The following VAV3 variants were observed in gnomAD, a reference collection of about 807,000 sequenced individuals.
The protein encoded by VAV3 is vav guanine nucleotide exchange factor 3, also known as guanine nucleotide exchange factor VAV3.
A neutral mutation model predicts 131.2 loss-of-function variants in VAV3; 94 were observed. The observed-to-expected ratio is 0.72, with a 90% CI of 0.61 to 0.85. VAV3 has a LOEUF of 0.85. Among genes scored for constraint, VAV3 ranks in the 40% least tolerant of loss-of-function variants. The pLI is 0.00. For missense variants in VAV3, 939 were observed against 1,002.7 expected (o/e 0.94, Z 0.86); for synonymous variants, 349 against 342.0 (o/e 1.02, Z -0.22).
rs1557833893 is a variant in VAV3 at position 107,768,469 on chromosome 1, T to G, written c.689A>C (p.Glu230Ala). ...APLKRFLTAAEFDSVFINIPE... is the reference protein window; with the variant it reads ...APLKRFLTAAAFDSVFINIPE... ...AATGTTGATGAATACTGAATCAAAT[T>G]CTGCTGCTGTCAGAAATCTTTTTAG... Residue 230 changes from glutamate (E) to alanine (A), a missense_variant, in exon 7 of 27, where the codon GAA (glutamate) becomes GCA (alanine). Glu to Ala is a moderately radical substitution (Grantham distance 107). Transcript: ENST00000370056. The G allele has an allele frequency of 6.2e-7, 1 of 1,612,642 alleles. No homozygotes were observed. Among genetic ancestry groups the G allele is most frequent in the East Asian group, 2.2e-5 (1 of 44,728 alleles).
intron 17 of VAV3, among the ~76,000 whole-genome samples, chr1:107,690,930 T>TAGC (rs1271785177): frequency 1.3e-5 from 2 of 152,130 alleles, no homozygotes; most frequent in African/African-American, 4.8e-5. Context: ...GCCACATAAA[T>TAGC]AGCAGCTCCT....
intron 25 of VAV3, among the ~76,000 whole-genome samples, chr1:107,593,928 T>A (rs755219739): frequency 6.6e-6 from 1 of 152,122 alleles, no homozygotes; most frequent in Non-Finnish European, 1.5e-5. Flanking sequence ...TAACTTTTAC[T>A]GTTTACCATG....
intron 10 of VAV3, among the ~76,000 whole-genome samples, chr1:107,759,306 AATTCT>A (rs1664288334): frequency 6.6e-6 from 1 of 152,202 alleles, no homozygotes; most frequent in South Asian, 2.1e-4. Context: ...AATCCATAAA[AATTCT>A]ATTCTTTTAT....
Position 107,950,478 on chromosome 1 carries a change from C to T in VAV3, c.204+14188G>A, listed in dbSNP as rs111282763. 2.3e-3 allele frequency among the ~76,000 whole-genome samples: 350 copies of T among 152,120 alleles called. 1 individual carries two copies. Among genetic ancestry groups the T allele is most frequent in the African/African-American group, 8.0e-3 (333 of 41,488 alleles). ...GATTCAGGGTGTCTGGGATTTGGAG[C>T]GTTGGAACATGACCAGGGGAATGAC... is the stretch of plus-strand genomic sequence containing the variant. On this transcript the variant is annotated intron_variant, in intron 1 of 26. Transcript: ENST00000370056.
chr1:107,746,519 G>C (rs912661629), intron 15 of VAV3, among the ~76,000 whole-genome samples: 2 of 152,112 alleles, frequency 1.3e-5, no homozygotes, highest in Non-Finnish European at 2.9e-5. Context: ...ATTTAAATCC[G>C]TACATACCCC....
At chr1:107,720,439 T>C (rs1661424230) in intron 15 of VAV3, among the ~76,000 whole-genome samples, 1 of 99,528 alleles carries the variant, frequency 1.0e-5, no homozygotes, top group Admixed American at 1.3e-4. Flanking sequence ...AAAAGTTCCA[T>C]CTGTTAATAT....
chr1:107,829,131 A>G (rs941943010), intron 2 of VAV3, among the ~76,000 whole-genome samples: 13 of 152,234 alleles, frequency 8.5e-5, no homozygotes, highest in African/African-American at 2.9e-4. Flanking sequence ...GAGAGATGTT[A>G]GTAAAATAAA....
chr1:107,960,273 C>T (rs1374876292), intron 1 of VAV3, among the ~76,000 whole-genome samples: 1 of 152,050 alleles, frequency 6.6e-6, no homozygotes, highest in Non-Finnish European at 1.5e-5. Context: ...TTGGAGACCA[C>T]TCTAGGCAAC....
At chr1:107,936,877 A>T (rs1470822445) in intron 1 of VAV3, among the ~76,000 whole-genome samples, 3 of 152,064 alleles carry the variant, frequency 2.0e-5, no homozygotes, top group Non-Finnish European at 4.4e-5. Flanking sequence ...TCCTTCCCCG[A>T]CCGATCTTGT....
chr1:107,571,510 T>A lies in VAV3; in HGVS notation c.*1821A>T, dbSNP rs1649258077. 1 of 152,458 alleles carries A rather than the reference T, an allele frequency of 6.6e-6. No individual in the cohort carries two copies. Among genetic ancestry groups the A allele is most frequent in the Admixed American group, 6.5e-5 (1 of 15,270 alleles). The allele number at this position is 152,458 out of a possible 1,614,324, so 9.4% of individuals were successfully genotyped here. A position where few individuals can be genotyped will look rare whatever the true frequency, so the allele number is the denominator to read the frequency against. ...ATAAACAATACATGCTACAATACCA[T>A]CCACAGGAGTGTTTCTGCTTGTGTG... On this transcript the variant is annotated 3_prime_UTR_variant, in exon 27 of 27. Coordinates refer to ENST00000370056, the MANE Select transcript of VAV3 (RefSeq NM_006113.5).
intron 22 of VAV3, among the ~76,000 whole-genome samples, chr1:107,608,210 A>C (rs1255872215): frequency 6.6e-6 from 1 of 152,180 alleles, no homozygotes. Flanking sequence ...GCATTTTAAA[A>C]CTAAGGGTAC....
intron 20 of VAV3, among the ~76,000 whole-genome samples, chr1:107,629,546 A>G (rs1654290491): frequency 6.6e-6 from 1 of 152,162 alleles, no homozygotes; most frequent in African/African-American, 2.4e-5. Context: ...ACGTGCCCCA[A>G]ATGGCCAATT....
intron 2 of VAV3, among the ~76,000 whole-genome samples, chr1:107,786,347 T>A (rs531890018): frequency 4.3e-4 from 65 of 152,284 alleles, no homozygotes; most frequent in African/African-American, 1.6e-3. Context: ...CTGGGCTGAT[T>A]AGAAGTGCAG....
chr1:107,605,506 A>G (rs1652192891), intron 22 of VAV3, among the ~76,000 whole-genome samples: 1 of 152,182 alleles, frequency 6.6e-6, no homozygotes, highest in South Asian at 2.1e-4. Context: ...AACTTTTAGA[A>G]CCATGAGACA....
chr1:107,607,194 C>A (rs1197251351), intron 22 of VAV3, among the ~76,000 whole-genome samples: 1 of 151,920 alleles, frequency 6.6e-6, no homozygotes, highest in Non-Finnish European at 1.5e-5. Flanking sequence ...CCTCATGATC[C>A]GCCCACTTCG....
At chr1:107,900,924 G>T (rs768501393) in intron 1 of VAV3, among the ~76,000 whole-genome samples, 3 of 152,126 alleles carry the variant, frequency 2.0e-5, no homozygotes, top group Non-Finnish European at 4.4e-5. Context: ...GTTAATGAAT[G>T]CATTTCCTTA....
intron 19 of VAV3, among the ~76,000 whole-genome samples, chr1:107,664,822 G>C (rs1379699998): frequency 1.3e-5 from 2 of 152,140 alleles, no homozygotes; most frequent in Non-Finnish European, 2.9e-5. Context: ...AGTTTAGATG[G>C]ATGAATGATA....
At chr1:107,925,679 G>C (rs1036668091) in intron 1 of VAV3, among the ~76,000 whole-genome samples, 2 of 152,058 alleles carry the variant, frequency 1.3e-5, no homozygotes, top group Non-Finnish European at 2.9e-5. Context: ...GCTAGGGGAA[G>C]GGGGAATAGG....
intron 22 of VAV3, among the ~76,000 whole-genome samples, chr1:107,609,207 T>C (rs775222942): frequency 2.0e-5 from 3 of 152,240 alleles, no homozygotes; most frequent in Non-Finnish European, 4.4e-5. Context: ...TTAGTTATTA[T>C]GACATCATGA....
Sources: gnomAD v4.1 joint callset for allele counts (sites outside exome capture counted in the v4.1 genomes callset) on GRCh38, gnomAD v4.1.1 for gene constraint, MANE v1.5 for transcripts, NCBI Gene and HGNC (gene_info 2026-07-23, HGNC 2026-07-21) for gene names.